Variants in MIPEP observed in about 807,000 individuals in gnomAD.
The protein encoded by MIPEP is mitochondrial intermediate peptidase.
In MIPEP, 79 loss-of-function variants were observed where a neutral mutation model predicts 90.3. That is an observed-to-expected ratio of 0.87 (90% CI 0.73 to 1.05). The LOEUF is 1.05. Ranked by LOEUF, MIPEP falls within the 50% of genes least tolerant of loss-of-function variation. The probability of loss-of-function intolerance (pLI) is 0.00; values close to 1 mark genes in which losing one functional copy is unlikely to be tolerated. For synonymous variants in MIPEP, 334 were observed against 315.8 expected (o/e 1.06, Z -0.61); for missense variants, 940 against 905.6 (o/e 1.04, Z -0.49).
At chr13:23,823,690 A>G (rs1284907931) in intron 14 of MIPEP, among the ~76,000 whole-genome samples, 2 of 152,174 alleles carry the variant, frequency 1.3e-5, no homozygotes, top group African/African-American at 4.8e-5. Flanking sequence ...TTAGCTGGGC[A>G]TGATAACAGG....
chr13:23,800,068 G>A (rs1365854111), intron 16 of MIPEP, among the ~76,000 whole-genome samples: 1 of 152,168 alleles, frequency 6.6e-6, no homozygotes, highest in African/African-American at 2.4e-5. Flanking sequence ...AGCTGTGCTG[G>A]AGACACAGCC....
rs116144105 is a variant in MIPEP, at chr13:23,792,546, A to C, written c.1848+13404T>G. Reference sequence around the variant, plus strand: ...AGGTGCGTGCCACCATGCCCAGATAATTTTTTAGTCTACATTGCCCAGGCT... The same window carrying C: ...AGGTGCGTGCCACCATGCCCAGATACTTTTTTAGTCTACATTGCCCAGGCT... On this transcript the variant is annotated intron_variant, in intron 16 of 18. Transcript: ENST00000382172. 2.1e-3 allele frequency among the ~76,000 whole-genome samples: 325 copies of C among 152,186 alleles called. 2 individuals are homozygous for C. The highest frequency in any genetic ancestry group is 7.0e-3 in the African/African-American group (292 of 41,522).
chr13:23,739,799 A>G lies in MIPEP; in HGVS notation c.2045-9354T>C, dbSNP rs138217933. 3.8e-3 allele frequency among the ~76,000 whole-genome samples: 586 copies of G among 152,358 alleles called. 3 individuals carry two copies. Among genetic ancestry groups the G allele is most frequent in the African/African-American group, 0.013 (551 of 41,588 alleles). On this transcript the variant is annotated intron_variant, in intron 18 of 18. Coordinates refer to ENST00000382172, the MANE Select transcript of MIPEP (RefSeq NM_005932.4). The stretch of plus-strand genomic sequence containing the variant: ...AGACTGAACGTCTGCTCATGCATTT[A>G]TCAAAAGGAAATGTTTACTAAGCAC...
chr13:23,853,908 C>T (rs576873182), intron 10 of MIPEP, among the ~76,000 whole-genome samples: 5 of 151,134 alleles, frequency 3.3e-5, no homozygotes, highest in Non-Finnish European at 5.9e-5. Context: ...TTAAGTGGCA[C>T]ATGACTGTAC....
chr13:23,730,572 C>A, intron 18 of MIPEP, 127 bp from the exon 19 acceptor site: 1 of 645,424 alleles, frequency 1.5e-6, no homozygotes, highest in Admixed American at 2.6e-5. Flanking sequence ...GCTGTATAAC[C>A]TGAATGCAAG....
At chr13:23,761,276 C>T (rs932170809) in intron 16 of MIPEP, among the ~76,000 whole-genome samples, 8 of 152,078 alleles carry the variant, frequency 5.3e-5, no homozygotes, top group African/African-American at 1.2e-4. Context: ...AAGGAAGAAG[C>T]GGACACCTAA....
intron 16 of MIPEP, among the ~76,000 whole-genome samples, chr13:23,775,584 C>T (rs146595576): frequency 1.1e-3 from 175 of 152,240 alleles, no homozygotes; most frequent in African/African-American, 4.0e-3. Flanking sequence ...CTTTGGGGTA[C>T]GTAGGGTCTA....
chr13:23,888,633 A>T, intron 1 of MIPEP: 1 of 862,974 alleles, frequency 1.2e-6, no homozygotes, highest in Non-Finnish European at 1.4e-6. Flanking sequence ...GCTTTGAAAT[A>T]AATTAATTAA....
At chr13:23,845,820 G>A (rs897800384) in intron 10 of MIPEP, among the ~76,000 whole-genome samples, 2 of 151,520 alleles carry the variant, frequency 1.3e-5, no homozygotes, top group East Asian at 3.9e-4. Context: ...TCCTTCTTTA[G>A]CTATGTGTGC....
chr13:23,755,377 G>A (rs1364858079), intron 18 of MIPEP, among the ~76,000 whole-genome samples: 1 of 152,210 alleles, frequency 6.6e-6, no homozygotes, highest in Non-Finnish European at 1.5e-5. Flanking sequence ...ATAAATGAAT[G>A]GCTGAAGGCA....
At chr13:23,887,672 T>C (rs1871562356) in intron 1 of MIPEP, among the ~76,000 whole-genome samples, 1 of 152,160 alleles carries the variant, frequency 6.6e-6, no homozygotes, top group Non-Finnish European at 1.5e-5. Flanking sequence ...AAGAAACAAG[T>C]GACCGGAGCA....
At chr13:23,801,802 A>C (rs1189928192) in intron 16 of MIPEP, among the ~76,000 whole-genome samples, 1 of 152,180 alleles carries the variant, frequency 6.6e-6, no homozygotes, top group Non-Finnish European at 1.5e-5. Context: ...TGTATGAACA[A>C]ATTGTTTATC....
At chr13:23,762,401 G>A (rs545383338) in intron 16 of MIPEP, among the ~76,000 whole-genome samples, 2 of 152,290 alleles carry the variant, frequency 1.3e-5, no homozygotes, top group East Asian at 3.9e-4. Flanking sequence ...AAGACGCATG[G>A]CAATGCTAGT....
intron 16 of MIPEP, among the ~76,000 whole-genome samples, chr13:23,798,559 A>T (rs1268526721): frequency 1.3e-5 from 2 of 152,204 alleles, no homozygotes; most frequent in African/African-American, 4.8e-5. Flanking sequence ...TCTTGGCCCA[A>T]ATCTCATGTC....
intron 16 of MIPEP, among the ~76,000 whole-genome samples, chr13:23,780,602 G>T (rs1952771234): frequency 6.6e-6 from 1 of 152,248 alleles, no homozygotes; most frequent in African/African-American, 2.4e-5. Flanking sequence ...AAGCTGGATG[G>T]AGAATGACTT....
chr13:23,783,179 C>CTAA (rs1952799111), intron 16 of MIPEP, among the ~76,000 whole-genome samples: 1 of 152,166 alleles, frequency 6.6e-6, no homozygotes, highest in African/African-American at 2.4e-5. Flanking sequence ...ACCAATATCC[C>CTAA]TGATGAACAT....
intron 14 of MIPEP, among the ~76,000 whole-genome samples, chr13:23,819,728 G>C (rs1159368765): frequency 6.6e-6 from 1 of 151,804 alleles, no homozygotes; most frequent in Non-Finnish European, 1.5e-5. Flanking sequence ...TAGAAAAAAA[G>C]CCGGACACGG....
At chr13:23,792,121 T>A (rs993633035) in intron 16 of MIPEP, among the ~76,000 whole-genome samples, 6 of 152,292 alleles carry the variant, frequency 3.9e-5, no homozygotes, top group Admixed American at 3.9e-4. Context: ...CGCCTCTAAA[T>A]GTTGGAATGC....
chr13:23,841,271 T>C, intron 11 of MIPEP, 64 bp downstream of exon 11: 1 of 1,470,648 alleles, frequency 6.8e-7, no homozygotes, highest in Non-Finnish European at 9.2e-7. Flanking sequence ...GAAACTGCTG[T>C]TGACTCAACT....
Sources: allele counts gnomAD v4.1 joint callset (sites outside exome capture counted in the v4.1 genomes callset), GRCh38; gene constraint gnomAD v4.1.1; transcripts MANE v1.5; gene names NCBI Gene and HGNC (gene_info 2026-07-23, HGNC 2026-07-21).